RBM20: variants seen among roughly 807,000 people sequenced by gnomAD.
The protein encoded by RBM20 is RNA-binding protein 20.
Under a neutral mutation model 110.1 loss-of-function variants are expected in RBM20, and 51 were observed. The ratio of observed to expected loss-of-function variants is 0.46; its 90% CI spans 0.37 to 0.59. The LOEUF is 0.59. RBM20 is among the 20% of genes least tolerant of loss of function. RBM20 has a pLI of 0.00. For synonymous variants in RBM20, 589 were observed against 618.2 expected (o/e 0.95, Z 0.70); for missense variants, 1,512 against 1,574.9 (o/e 0.96, Z 0.68).
At chr10:110,788,762 A>G (rs1359316956) in intron 5 of RBM20, among the ~76,000 whole-genome samples, 1 of 152,246 alleles carries the variant, frequency 6.6e-6, no homozygotes, top group Admixed American at 6.5e-5. Context: ...CCTCAGAGAA[A>G]CTATTGACTT....
chr10:110,656,607 C>G (rs1284431086), intron 1 of RBM20, among the ~76,000 whole-genome samples: 1 of 152,198 alleles, frequency 6.6e-6, no homozygotes, highest in Non-Finnish European at 1.5e-5. Flanking sequence ...AAACTTCATA[C>G]CTACTAAGCA....
At chr10:110,810,538 C>T (rs2135100167) in intron 8 of RBM20, 76 bp downstream of exon 8, 2 of 1,028,936 alleles carry the variant, frequency 1.9e-6, no homozygotes, top group Non-Finnish European at 2.9e-6. Context: ...TTCTTAGGGG[C>T]ATTTGAGTCA....
intron 1 of RBM20, chr10:110,761,114 AAG>A (rs1491337363): frequency 0.075 from 10,795 of 143,456 alleles, 546 homozygotes; most frequent in Non-Finnish European, 0.11. Context: ...AAAAAAAAAA[AAG>A]AAAAGAGAAA....
At chr10:110,749,546 C>T (rs1021018702) in intron 1 of RBM20, among the ~76,000 whole-genome samples, 3 of 152,094 alleles carry the variant, frequency 2.0e-5, no homozygotes, top group Non-Finnish European at 2.9e-5. Context: ...TCATTGAAGA[C>T]AATTCCAATA....
chr10:110,766,866 C>T (rs1367098357), intron 1 of RBM20, among the ~76,000 whole-genome samples: 10 of 149,560 alleles, frequency 6.7e-5, no homozygotes, highest in African/African-American at 2.2e-4. Context: ...GGGTGGTGGC[C>T]GGGCAGAGGG....
At chr10:110,798,570 C>G (rs1304367883) in intron 6 of RBM20, among the ~76,000 whole-genome samples, 2 of 152,108 alleles carry the variant, frequency 1.3e-5, no homozygotes, top group Non-Finnish European at 2.9e-5. Flanking sequence ...AAGTGTTTAT[C>G]AAGAAAAAGG....
chr10:110,663,027 C>T (rs1399311712), intron 1 of RBM20, among the ~76,000 whole-genome samples: 1 of 151,790 alleles, frequency 6.6e-6, no homozygotes, highest in East Asian at 1.9e-4. Flanking sequence ...TTCAATGGCA[C>T]GATTTTGTCT....
chr10:110,821,316 C>G lies in RBM20; in HGVS notation c.2697C>G (p.Ser899Arg). The change falls in exon 11 of 14, where the codon AGC becomes AGG. Residue 899 changes from serine to arginine, a missense_variant. Coordinates refer to ENST00000369519, the MANE Select transcript of RBM20 (RefSeq NM_001134363.3). ...GTGAAAGTGAGGCAGAGGGGGAGAG[C>G]TGGTATCCCACTAACATGGAGGAGC... ...WESESEAEGE[S>R]WYPTNMEELV... 6.4e-7 allele frequency: 1 copy of G among 1,551,708 alleles called. No homozygotes were observed. The highest frequency in any genetic ancestry group is 1.2e-5 in the South Asian group (1 of 84,056).
chr10:110,759,822 C>T (rs969742663), intron 1 of RBM20, among the ~76,000 whole-genome samples: 1 of 152,220 alleles, frequency 6.6e-6, no homozygotes, highest in Non-Finnish European at 1.5e-5. Context: ...TCTCTTTGTA[C>T]TTACATAGCC....
chr10:110,648,531 G>A (rs1861900590), intron 1 of RBM20, among the ~76,000 whole-genome samples: 1 of 152,198 alleles, frequency 6.6e-6, no homozygotes, highest in African/African-American at 2.4e-5. Context: ...TCTGGAAAGA[G>A]GATGGAATTT....
chr10:110,773,334 G>A (rs1844218459), intron 1 of RBM20, among the ~76,000 whole-genome samples: 3 of 152,182 alleles, frequency 2.0e-5, no homozygotes, highest in African/African-American at 2.4e-5. Context: ...ATTGAACTTA[G>A]CAGAGTCTCA....
chr10:110,802,348 C>T (rs1053914881), intron 7 of RBM20, among the ~76,000 whole-genome samples: 2 of 149,948 alleles, frequency 1.3e-5, no homozygotes, highest in Non-Finnish European at 3.0e-5. Context: ...CTCTGAAATT[C>T]CTTTACTAAC....
At chr10:110,686,903 G>C (rs1307717908) in intron 1 of RBM20, among the ~76,000 whole-genome samples, 11 of 152,008 alleles carry the variant, frequency 7.2e-5, no homozygotes, top group Non-Finnish European at 1.5e-5. Flanking sequence ...GCCGGGTGTG[G>C]TGGTGCATGC....
At position 110,835,912 on chromosome 10, in the gene RBM20, G is replaced by A. The variant is rs1019637617; in HGVS notation, c.3618G>A (p.Glu1206=). 6.5e-7 allele frequency: 1 copy of A among 1,539,092 alleles called. No individual in the cohort carries two copies. The highest frequency in any genetic ancestry group is 1.4e-5 in the African/African-American group (1 of 72,750). ...CCGAGGAGGGCCTCAAGGAGACCGA[G>A]GGGGCAGATAGCCCGAGGCCAGAGG... ...QLAEEGLKET[E]GADSPRPEDS... The change falls in exon 14 of 14, where the codon GAG becomes GAA. Residue 1206 remains glutamate, a synonymous_variant. Coordinates refer to ENST00000369519, the MANE Select transcript of RBM20 (RefSeq NM_001134363.3).
intron 1 of RBM20, among the ~76,000 whole-genome samples, chr10:110,653,718 C>T: frequency 6.6e-6 from 1 of 152,128 alleles, no homozygotes; most frequent in East Asian, 1.9e-4. Flanking sequence ...ACCACGCTCT[C>T]CTAATTTTTG....
intron 7 of RBM20, among the ~76,000 whole-genome samples, chr10:110,809,740 G>C (rs1193183719): frequency 6.6e-6 from 1 of 152,156 alleles, no homozygotes; most frequent in East Asian, 1.9e-4. Context: ...GGTGTTGAAG[G>C]GGGCACAGAG....
Position 110,781,057 on chromosome 10 carries a change from G to A in RBM20, c.448G>A (p.Ala150Thr), listed in dbSNP as rs199868951. ...TGTGATCACTGGCCCCCACGGCCAT[G>A]CTGGGGTTCCCCAACATGCTGCAGC... ...PSVITGPHGH[A>T]GVPQHAAAIP... The change falls in exon 2 of 14, where the codon GCT (alanine) becomes ACT (threonine). Residue 150 changes from alanine to threonine, a missense_variant. Ala to Thr is a moderately conservative substitution (Grantham distance 58). This residue lies in a region of RBM20 where 1,149 missense variants were observed against 1,169.4 expected (regional missense o/e 0.98). Coordinates refer to ENST00000369519, the MANE Select transcript of RBM20 (RefSeq NM_001134363.3). 737 of 1,551,758 alleles carry A rather than the reference G, an allele frequency of 4.7e-4. 7 individuals carry two copies. Among genetic ancestry groups the A allele is most frequent in the Admixed American group, 1.2e-4 (6 of 50,988 alleles).
intron 1 of RBM20, among the ~76,000 whole-genome samples, chr10:110,775,168 G>A (rs1475578570): frequency 6.6e-6 from 1 of 152,138 alleles, no homozygotes; most frequent in South Asian, 2.1e-4. Flanking sequence ...CATTTATTTG[G>A]CCACACCTTT....
intron 1 of RBM20, among the ~76,000 whole-genome samples, chr10:110,749,968 C>T (rs1843832127): frequency 1.3e-5 from 2 of 152,020 alleles, no homozygotes; most frequent in Admixed American, 1.3e-4. Context: ...AAAAACACAA[C>T]TCAGAAGTGA....
Sources: allele counts gnomAD v4.1 joint callset (sites outside exome capture counted in the v4.1 genomes callset), GRCh38; gene constraint gnomAD v4.1.1; regional missense constraint gnomAD v4.1.1; transcripts MANE v1.5; gene names NCBI Gene and HGNC (gene_info 2026-07-23, HGNC 2026-07-21).